KCND2: variants seen among roughly 807,000 people sequenced by gnomAD.
The protein encoded by KCND2 is A-type voltage-gated potassium channel KCND2.
A neutral mutation model predicts 54.4 loss-of-function variants in KCND2; 16 were observed. The observed-to-expected ratio is 0.29, with a 90% confidence interval of 0.20 to 0.45. KCND2 has a LOEUF of 0.45. Among genes scored for constraint, KCND2 ranks in the 20% least tolerant of loss-of-function variants. The pLI, the probability that KCND2 is intolerant of heterozygous loss-of-function variation, is 1.00. For synonymous variants in KCND2, 317 were observed against 310.7 expected, an observed-to-expected ratio of 1.02 and a Z score of -0.21; for missense variants, 486 against 824.2, an observed-to-expected ratio of 0.59 and a Z score of 5.02.
chr7:120,638,457 T>C (rs1793332697), intron 1 of KCND2, among the ~76,000 whole-genome samples: 1 of 152,134 alleles, frequency 6.6e-6, no homozygotes, highest in East Asian at 1.9e-4. Context: ...AAAAGCAAAA[T>C]TTCCCCTGCC....
chr7:120,740,316 T>C (rs1390457784), intron 2 of KCND2, among the ~76,000 whole-genome samples: 1 of 152,088 alleles, frequency 6.6e-6, no homozygotes, highest in Non-Finnish European at 1.5e-5. Context: ...TTATTTTTCA[T>C]TTAAAAAATC....
chr7:120,670,913 C>T (rs1034333112), intron 1 of KCND2, among the ~76,000 whole-genome samples: 2 of 133,728 alleles, frequency 1.5e-5, no homozygotes, highest in African/African-American at 2.8e-5. Context: ...CAGGCTCCGT[C>T]TCAAAAAAAA....
intron 1 of KCND2, among the ~76,000 whole-genome samples, chr7:120,394,344 A>T (rs1294906002): frequency 6.6e-6 from 1 of 151,886 alleles, no homozygotes; most frequent in African/African-American, 2.4e-5. Context: ...CTCTTGCTGG[A>T]GGGGCCACAA....
intron 1 of KCND2, among the ~76,000 whole-genome samples, chr7:120,682,791 TAAC>T (rs900622028): frequency 3.9e-5 from 6 of 152,304 alleles, no homozygotes; most frequent in Admixed American, 3.9e-4. Context: ...TTGTCTCTCT[TAAC>T]AAGAACTCTG....
In KCND2 at chr7:120,275,111, G is replaced by A. The variant is rs1799155372; in HGVS notation, c.479G>A (p.Ser160Asn). ...DDADTDTAGE[S>N]ALPTMTARQR... is the part of the protein sequence containing the mutation. ...GCGGATACCGACACCGCTGGGGAGA[G>A]CGCCTTGCCCACCATGACTGCAAGG... Residue 160 changes from serine (S) to asparagine (N), a missense_variant, in exon 1 of 6, where the codon AGC (serine) becomes AAC (asparagine). Ser to Asn is a conservative substitution (Grantham distance 46, BLOSUM62 1). This residue lies in a region of KCND2 where 231 missense variants were observed against 386.0 expected (regional missense o/e 0.60). Coordinates refer to ENST00000331113, the MANE Select transcript of KCND2 (RefSeq NM_012281.3). 1 of 1,613,586 alleles carries A rather than the reference G, an allele frequency of 6.2e-7. No individual in the cohort carries two copies. Among genetic ancestry groups the A allele is most frequent in the Admixed American group, 1.7e-5 (1 of 60,000 alleles).
chr7:120,598,580 G>C (rs111950174), intron 1 of KCND2, among the ~76,000 whole-genome samples: 2 of 141,668 alleles, frequency 1.4e-5, no homozygotes, highest in Non-Finnish European at 3.1e-5. Flanking sequence ...CAGGGGGGGC[G>C]GGGCGGGTGG....
At chr7:120,433,618 C>G (rs35483613) in intron 1 of KCND2, among the ~76,000 whole-genome samples, 5,687 of 152,244 alleles carry the variant, frequency 0.037, 156 homozygotes, top group Non-Finnish European at 0.052. Context: ...GCACTATTGC[C>G]TGGCATGTAG....
intron 2 of KCND2, among the ~76,000 whole-genome samples, chr7:120,739,748 A>T (rs1416932570): frequency 6.6e-6 from 1 of 151,742 alleles, no homozygotes; most frequent in South Asian, 2.1e-4. Flanking sequence ...TGTGAAAGGC[A>T]TCTTGGTACA....
intron 1 of KCND2, among the ~76,000 whole-genome samples, chr7:120,301,801 A>G (rs957668390): frequency 1.3e-5 from 2 of 152,176 alleles, no homozygotes; most frequent in African/African-American, 2.4e-5. Context: ...CCTTAAAATA[A>G]TTAACAAGAA....
chr7:120,394,518 G>C (rs2116060832), intron 1 of KCND2, among the ~76,000 whole-genome samples: 1 of 152,024 alleles, frequency 6.6e-6, no homozygotes, highest in East Asian at 1.9e-4. Context: ...ATAGAAACTA[G>C]GCCTATATTT....
At chr7:120,424,642 A>G (rs1271773836) in intron 1 of KCND2, among the ~76,000 whole-genome samples, 1 of 152,242 alleles carries the variant, frequency 6.6e-6, no homozygotes, top group Non-Finnish European at 1.5e-5. Context: ...TTCCCTGATT[A>G]ATAAACAGTG....
chr7:120,742,030 C>A (rs542336154), intron 3 of KCND2, among the ~76,000 whole-genome samples: 1 of 151,954 alleles, frequency 6.6e-6, no homozygotes, highest in East Asian at 1.9e-4. Context: ...TACTTCATAA[C>A]GAAGAGGGAA....
chr7:120,309,474 TACACACACACACACAC>T (rs1209573900), intron 1 of KCND2, among the ~76,000 whole-genome samples: 6 of 113,258 alleles, frequency 5.3e-5, no homozygotes, highest in South Asian at 2.9e-4. Flanking sequence ...TATATATATA[TACACACACACACACAC>T]ACACACACAC....
chr7:120,642,709 A>T (rs1165528660), intron 1 of KCND2, among the ~76,000 whole-genome samples: 1 of 152,092 alleles, frequency 6.6e-6, no homozygotes, highest in Non-Finnish European at 1.5e-5. Flanking sequence ...ATAATAATGA[A>T]TATTTATAAA....
chr7:120,479,191 C>T (rs1482458746), intron 1 of KCND2, among the ~76,000 whole-genome samples: 1 of 152,224 alleles, frequency 6.6e-6, no homozygotes. Context: ...GCAAAATCTC[C>T]TAACTTTTTA....
At chr7:120,714,823 A>T (rs1322122374) in intron 1 of KCND2, among the ~76,000 whole-genome samples, 1 of 151,696 alleles carries the variant, frequency 6.6e-6, no homozygotes, top group Non-Finnish European at 1.5e-5. Context: ...TGATCCTGTT[A>T]TCTTTTGCTA....
At chr7:120,501,012 C>CG (rs1269530803) in intron 1 of KCND2, among the ~76,000 whole-genome samples, 1 of 151,830 alleles carries the variant, frequency 6.6e-6, no homozygotes, top group African/African-American at 2.4e-5. Flanking sequence ...AATGTCTACT[C>CG]TAACAGGCTT....
intron 1 of KCND2, among the ~76,000 whole-genome samples, chr7:120,722,318 C>T (rs563791214): frequency 8.5e-4 from 130 of 152,228 alleles, no homozygotes; most frequent in African/African-American, 3.0e-3. Context: ...AACACCAGGC[C>T]TTTCATAGAA....
Position 120,733,026 on chromosome 7 carries a change from C to A in KCND2, c.1239C>A (p.Tyr413Ter). 6.2e-7 allele frequency: 1 copy of A among 1,613,628 alleles called. No individual in the cohort carries two copies. Among genetic ancestry groups the A allele is most frequent in the Non-Finnish European group, 8.5e-7 (1 of 1,179,722 alleles). ...PVIVSNFSRI[Y>*]HQNQRADKRR... The stretch of plus-strand genomic sequence containing the variant: ...TTGTATCCAACTTCAGTCGCATCTA[C>A]CACCAGAATCAACGAGCAGACAAAC... Residue 413 changes from tyrosine (Y) to a stop codon, truncating the protein, a stop_gained, in exon 2 of 6, where the codon TAC becomes TAA. Coordinates refer to ENST00000331113, the MANE Select transcript of KCND2 (RefSeq NM_012281.3). LOFTEE classifies it high-confidence loss of function.
Sources: allele counts gnomAD v4.1 joint callset (sites outside exome capture counted in the v4.1 genomes callset), GRCh38; gene constraint gnomAD v4.1.1; regional missense constraint gnomAD v4.1.1; transcripts MANE v1.5; gene names NCBI Gene and HGNC (gene_info 2026-07-23, HGNC 2026-07-21).